Variants in FNDC3A observed in about 807,000 individuals in gnomAD.
FNDC3A encodes fibronectin type III domain containing 3A.
In FNDC3A, 32 loss-of-function variants were observed where a neutral mutation model predicts 148.9. The observed-to-expected ratio is 0.21, with a 90% CI of 0.16 to 0.29. FNDC3A has a LOEUF of 0.29. Ranked by LOEUF, FNDC3A falls within the 10% of genes least tolerant of loss-of-function variation. The probability of loss-of-function intolerance (pLI) is 1.00; values close to 1 mark genes in which losing one functional copy is unlikely to be tolerated. For synonymous variants in FNDC3A, 472 were observed against 473.6 expected, an observed-to-expected ratio of 1.00 and a Z score of 0.04; for missense variants, 1,191 against 1,452.8, an observed-to-expected ratio of 0.82 and a Z score of 2.93.
rs1399426414 is a variant in FNDC3A, at chr13:49,198,149, T to C, written c.2658T>C (p.Cys886=). ...TCLAISWEKP[C]DHGSEILAYS... is the part of the protein sequence containing the mutation. Reference sequence around the variant, plus strand: ...TTGCAATAAGCTGGGAAAAGCCTTGTGATCATGGTTCGGAAATCCTTGCCT... The same window carrying C: ...TTGCAATAAGCTGGGAAAAGCCTTGCGATCATGGTTCGGAAATCCTTGCCT... Residue 886 remains cysteine (C), a synonymous_variant, in exon 22 of 26, where the codon TGT becomes TGC. Coordinates refer to ENST00000492622, the MANE Select transcript of FNDC3A (RefSeq NM_001079673.2). The C allele has an allele frequency of 9.3e-6, 15 of 1,614,082 alleles. No individual in the cohort carries two copies. The highest frequency in any genetic ancestry group is 1.3e-5 in the Non-Finnish European group (15 of 1,180,034).
At chr13:48,982,591 A>G (rs1416490171) in intron 1 of FNDC3A, among the ~76,000 whole-genome samples, 1 of 152,180 alleles carries the variant, frequency 6.6e-6, no homozygotes, top group African/African-American at 2.4e-5. Flanking sequence ...CTTCCAGGAT[A>G]TTTAAAAAAC....
intron 2 of FNDC3A, among the ~76,000 whole-genome samples, chr13:49,013,457 T>C (rs564193357): frequency 1.5e-4 from 23 of 152,130 alleles, no homozygotes; most frequent in East Asian, 3.9e-4. Context: ...TACATGTACA[T>C]GTGTATACAT....
intron 17 of FNDC3A, among the ~76,000 whole-genome samples, chr13:49,190,220 A>T (rs1261572259): frequency 6.6e-6 from 1 of 152,212 alleles, no homozygotes; most frequent in Non-Finnish European, 1.5e-5. Context: ...GTGTCTTTAA[A>T]AATAAAGGCT....
chr13:49,138,768 C>A lies in FNDC3A; in HGVS notation c.782C>A (p.Ala261Glu). ...EIEEKDEETK[A>E]FEALLSNIVK... ...TAAGAAAAAGATGAAGAAACTAAAGCATTTGAAGCACTTCTTTCCAACATT... is the reference window on the plus strand; with the variant it reads ...TAAGAAAAAGATGAAGAAACTAAAGAATTTGAAGCACTTCTTTCCAACATT... The change falls in exon 7 of 26, where the codon GCA (alanine) becomes GAA (glutamate). Residue 261 changes from alanine (A) to glutamate (E), a missense_variant. Ala to Glu is a moderately radical substitution (Grantham distance 107, BLOSUM62 -1). Around this residue, in one of 3 missense-constraint regions of FNDC3A, gnomAD observed 426 missense variants for 473.2 expected, o/e 0.90. Coordinates refer to ENST00000492622, the MANE Select transcript of FNDC3A (RefSeq NM_001079673.2). 2 of 1,496,426 alleles carry A rather than the reference C, an allele frequency of 1.3e-6. No individual in the cohort carries two copies. The highest frequency in any genetic ancestry group is 1.8e-6 in the Non-Finnish European group (2 of 1,093,978). The allele number at this position is 1,496,426 out of a possible 1,614,324, so 92.7% of individuals were successfully genotyped here.
At chr13:49,139,021 A>ATTTG (rs1882542874) in intron 7 of FNDC3A, among the ~76,000 whole-genome samples, 1 of 152,182 alleles carries the variant, frequency 6.6e-6, no homozygotes, top group Admixed American at 6.6e-5. Flanking sequence ...TCATTCATTC[A>ATTTG]TCAAATATTT....
At chr13:49,068,735 G>A (rs1193067091) in intron 2 of FNDC3A, among the ~76,000 whole-genome samples, 3 of 152,178 alleles carry the variant, frequency 2.0e-5, no homozygotes, top group Non-Finnish European at 4.4e-5. Flanking sequence ...AAAAAGGAAT[G>A]AGATTGTGTC....
chr13:49,133,684 T>C (rs912607442), intron 5 of FNDC3A, among the ~76,000 whole-genome samples: 2 of 152,234 alleles, frequency 1.3e-5, no homozygotes, highest in African/African-American at 4.8e-5. Flanking sequence ...TGAACCTTGC[T>C]AGGCACTATG....
intron 3 of FNDC3A, among the ~76,000 whole-genome samples, chr13:49,082,310 C>T (rs1166319529): frequency 5.3e-5 from 8 of 151,904 alleles, no homozygotes; most frequent in Non-Finnish European, 8.8e-5. Flanking sequence ...CACTTGGACC[C>T]GGGAAGCAGA....
At chr13:49,127,539 G>A (rs1046942765) in intron 4 of FNDC3A, among the ~76,000 whole-genome samples, 10 of 152,162 alleles carry the variant, frequency 6.6e-5, no homozygotes, top group Admixed American at 2.6e-4. Flanking sequence ...CCTATCAGCA[G>A]CATTTGACAC....
At chr13:49,101,791 T>G (rs1879870973) in intron 3 of FNDC3A, among the ~76,000 whole-genome samples, 1 of 150,506 alleles carries the variant, frequency 6.6e-6, no homozygotes, top group Non-Finnish European at 1.5e-5. Context: ...TATACCTGCT[T>G]TAGTTTTTTT....
chr13:49,085,203 A>T (rs183983253), intron 3 of FNDC3A, among the ~76,000 whole-genome samples: 120 of 152,244 alleles, frequency 7.9e-4, no homozygotes, highest in African/African-American at 2.7e-3. Context: ...TTTGCAGAGC[A>T]TTTTTTAGCA....
At chr13:49,041,319 A>G (rs977468763) in intron 2 of FNDC3A, among the ~76,000 whole-genome samples, 5 of 152,170 alleles carry the variant, frequency 3.3e-5, no homozygotes, top group Non-Finnish European at 7.3e-5. Flanking sequence ...GCCTAACTTG[A>G]ATCCTATGAC....
At chr13:49,076,926 C>G (rs1206182077) in intron 3 of FNDC3A, among the ~76,000 whole-genome samples, 1 of 152,176 alleles carries the variant, frequency 6.6e-6, no homozygotes, top group African/African-American at 2.4e-5. Flanking sequence ...TTCTTTGTAT[C>G]CCCTTCAATT....
chr13:49,037,534 G>C (rs1874581201), intron 2 of FNDC3A, among the ~76,000 whole-genome samples: 6 of 152,176 alleles, frequency 3.9e-5, no homozygotes, highest in Admixed American at 3.9e-4. Context: ...TCTGTAACTT[G>C]GGGGTTGTTA....
rs113103105 is a variant in FNDC3A at position 49,191,428 on chromosome 13, T to A, written c.2226+44T>A. On this transcript the variant is annotated intron_variant, in intron 19 of 25. Coordinates refer to ENST00000492622, the MANE Select transcript of FNDC3A (RefSeq NM_001079673.2). ...TAGAATTATAATCACAATGGTGATA[T>A]ATGTTTCATTTTAACATATATCATC... 25 of 1,446,484 alleles carry A rather than the reference T, an allele frequency of 1.7e-5. 1 individual carries two copies. The highest frequency in any genetic ancestry group is 1.3e-4 in the African/African-American group (9 of 70,326). The allele number at this position is 1,446,484 out of a possible 1,614,324, so 89.6% of individuals were successfully genotyped here. A position where few individuals can be genotyped will look rare whatever the true frequency, so the allele number is the denominator to read the frequency against.
rs1474222506 is a variant in FNDC3A at position 49,186,125 on chromosome 13, AC to A, written c.1756+24del. On this transcript the variant is annotated intron_variant, in intron 15 of 25. Coordinates refer to ENST00000492622, the MANE Select transcript of FNDC3A (RefSeq NM_001079673.2). ...GGGGTAAGATATTATGCATGTTTAT[AC>A]ATTATTACTTTTGCGTTTGATTAAA... The A allele has an allele frequency of 1.2e-5, 19 of 1,546,522 alleles. No individual in the cohort carries two copies. The Admixed American group carries it at 1.5e-4, about 12-fold the overall frequency.
chr13:49,141,748 A>G (rs975151080), intron 7 of FNDC3A, among the ~76,000 whole-genome samples: 2 of 152,180 alleles, frequency 1.3e-5, no homozygotes, highest in African/African-American at 2.4e-5. Context: ...AAGGATCACA[A>G]TCTGCCTCAA....
intron 1 of FNDC3A, among the ~76,000 whole-genome samples, chr13:48,994,526 G>A (rs1005376063): frequency 1.3e-5 from 2 of 152,160 alleles, no homozygotes; most frequent in Non-Finnish European, 2.9e-5. Flanking sequence ...CGCCTGTAAT[G>A]CCTGCACTTT....
chr13:48,989,873 TC>T lies in FNDC3A; in HGVS notation c.-40+13699del, dbSNP rs920724785. Among the ~76,000 whole-genome samples the T allele has an allele frequency of 2.4e-4, 36 of 152,064 alleles. 1 individual carries two copies. The highest frequency in any genetic ancestry group is 6.8e-3 in the Middle Eastern group (2 of 294). Reference sequence around the variant, plus strand: ...TTCAAGCGATTCTCCTGCTTCAGCCTCCCGAGTAGCTGGGATTACAGGTGCA... The same window carrying T: ...TTCAAGCGATTCTCCTGCTTCAGCCTCCGAGTAGCTGGGATTACAGGTGCA... On this transcript the variant is annotated intron_variant, in intron 1 of 25. Transcript: ENST00000492622.
Sources: allele counts gnomAD v4.1 joint callset (sites outside exome capture counted in the v4.1 genomes callset), GRCh38; gene constraint gnomAD v4.1.1; regional missense constraint gnomAD v4.1.1; transcripts MANE v1.5; gene names NCBI Gene and HGNC (gene_info 2026-07-23, HGNC 2026-07-21).